CNTNAP2: variants seen among roughly 807,000 people sequenced by gnomAD.
The protein encoded by CNTNAP2 is contactin-associated protein-like 2.
CNTNAP2 carries 98 observed loss-of-function variants against 155.2 expected under a neutral mutation model. The observed-to-expected ratio is 0.63, with a 90% CI of 0.54 to 0.75. CNTNAP2 has a LOEUF of 0.75. Ranked by LOEUF, CNTNAP2 falls within the 30% of genes least tolerant of loss-of-function variation. The probability of loss-of-function intolerance (pLI) is 0.00; values close to 1 mark genes in which losing one functional copy is unlikely to be tolerated. For synonymous variants in CNTNAP2, 651 were observed against 631.2 expected, an observed-to-expected ratio of 1.03 and a Z score of -0.47; for missense variants, 1,727 against 1,688.1, an observed-to-expected ratio of 1.02 and a Z score of -0.40.
chr7:147,927,040 C>T (rs978270761), intron 14 of CNTNAP2, among the ~76,000 whole-genome samples: 4 of 152,152 alleles, frequency 2.6e-5, no homozygotes, highest in Non-Finnish European at 5.9e-5. Context: ...TGCATAATCA[C>T]CACAAATTTT....
At chr7:146,340,286 GTTT>G (rs548459768) in intron 1 of CNTNAP2, among the ~76,000 whole-genome samples, 1 of 93,830 alleles carries the variant, frequency 1.1e-5, no homozygotes, top group Non-Finnish European at 2.1e-5. Context: ...TGTTGTTGTT[GTTT>G]TTTTTTTTTT....
At chr7:146,161,981 C>T (rs1009020131) in intron 1 of CNTNAP2, among the ~76,000 whole-genome samples, 3 of 152,026 alleles carry the variant, frequency 2.0e-5, no homozygotes, top group Admixed American at 6.6e-5. Flanking sequence ...GAAACTGGAT[C>T]CCTTCCTTAC....
chr7:147,503,903 G>A (rs1301820378), intron 11 of CNTNAP2, among the ~76,000 whole-genome samples: 1 of 152,160 alleles, frequency 6.6e-6, no homozygotes, highest in Non-Finnish European at 1.5e-5. Context: ...TGGGTTTAAA[G>A]AACCCTGAGG....
intron 21 of CNTNAP2, among the ~76,000 whole-genome samples, chr7:148,299,285 C>T (rs374558879): frequency 3.3e-5 from 5 of 152,144 alleles, no homozygotes; most frequent in South Asian, 2.1e-4. Context: ...CCACCACACC[C>T]GGCCCCAACT....
intron 13 of CNTNAP2, among the ~76,000 whole-genome samples, chr7:147,848,424 C>G (rs932864693): frequency 1.3e-5 from 2 of 150,960 alleles, no homozygotes; most frequent in Admixed American, 1.3e-4. Flanking sequence ...TTGCGCTTCC[C>G]AGGTGAGGCA....
intron 11 of CNTNAP2, among the ~76,000 whole-genome samples, chr7:147,558,058 T>A (rs1050966062): frequency 3.5e-4 from 53 of 152,350 alleles, no homozygotes; most frequent in Middle Eastern, 3.4e-3. Context: ...TACATATTTT[T>A]AAATGTATTT....
At chr7:146,757,370 A>G (rs1563218469) in intron 1 of CNTNAP2, among the ~76,000 whole-genome samples, 1 of 152,186 alleles carries the variant, frequency 6.6e-6, no homozygotes, top group South Asian at 2.1e-4. Context: ...ATGAATCCAT[A>G]TCAGCATTTA....
At chr7:147,953,552 C>T (rs563038668) in intron 14 of CNTNAP2, among the ~76,000 whole-genome samples, 2 of 152,220 alleles carry the variant, frequency 1.3e-5, no homozygotes, top group Non-Finnish European at 2.9e-5. Context: ...AATATCAATT[C>T]TATTGGTTAT....
At chr7:146,473,190 A>T (rs1481248139) in intron 1 of CNTNAP2, among the ~76,000 whole-genome samples, 1 of 152,060 alleles carries the variant, frequency 6.6e-6, no homozygotes, top group African/African-American at 2.4e-5. Context: ...GGTCAGGGAA[A>T]GAAAAGGCTT....
chr7:147,674,575 C>G (rs139450930), intron 13 of CNTNAP2, among the ~76,000 whole-genome samples: 2,500 of 152,206 alleles, frequency 0.016, 220 homozygotes, highest in Admixed American at 0.15. Flanking sequence ...GATGTGCCTT[C>G]CTGAGGCTTG....
At chr7:148,322,223 A>G (rs1359531327) in intron 21 of CNTNAP2, among the ~76,000 whole-genome samples, 1 of 152,192 alleles carries the variant, frequency 6.6e-6, no homozygotes, top group East Asian at 1.9e-4. Context: ...GCACCCAGCC[A>G]AGAACTGTAA....
Position 148,143,742 on chromosome 7 carries a change from C to T in CNTNAP2, c.2555-3749C>T, listed in dbSNP as rs73744758. Among the ~76,000 whole-genome samples the T allele has an allele frequency of 9.4e-3, 1,434 of 152,306 alleles. 24 individuals carry two copies. The highest frequency in any genetic ancestry group is 0.032 in the African/African-American group (1,322 of 41,552). On this transcript the variant is annotated intron_variant, in intron 16 of 23. Coordinates refer to ENST00000361727, the MANE Select transcript of CNTNAP2 (RefSeq NM_014141.6). ...GTCAGCCATGACCCAGGCTCATCCTCTGTCCTCTCTGTCCTCTGTATCTCT... is the reference window on the plus strand; with the variant it reads ...GTCAGCCATGACCCAGGCTCATCCTTTGTCCTCTCTGTCCTCTGTATCTCT...
chr7:148,239,829 G>T (rs952100287), intron 20 of CNTNAP2, among the ~76,000 whole-genome samples: 1 of 152,182 alleles, frequency 6.6e-6, no homozygotes, highest in Non-Finnish European at 1.5e-5. Context: ...GGAGTGTGGT[G>T]GAGGCGTGTG....
chr7:146,208,698 ATTAT>A (rs1013611887), intron 1 of CNTNAP2: 8 of 152,120 alleles, frequency 5.3e-5, no homozygotes, highest in African/African-American at 1.9e-4. Flanking sequence ...TGAAGATTAA[ATTAT>A]TTATTCACTC....
chr7:148,004,716 A>C (rs528781142), intron 15 of CNTNAP2, among the ~76,000 whole-genome samples: 1 of 152,338 alleles, frequency 6.6e-6, no homozygotes, highest in Admixed American at 6.5e-5. Flanking sequence ...AAAATGCTTC[A>C]TCTTTCATTA....
intron 22 of CNTNAP2, among the ~76,000 whole-genome samples, chr7:148,387,418 G>A (rs188460275): frequency 3.9e-5 from 6 of 152,256 alleles, no homozygotes; most frequent in Admixed American, 2.0e-4. Flanking sequence ...TGTAAATAAC[G>A]TGAGGTACTT....
Position 147,446,123 on chromosome 7 carries a change from CTTTT to C in CNTNAP2, c.1671-39797_1671-39794del, listed in dbSNP as rs35712483. Among the ~76,000 whole-genome samples, 48 of 139,878 alleles carry C rather than the reference CTTTT, an allele frequency of 3.4e-4. 1 individual carries two copies. Among genetic ancestry groups the C allele is most frequent in the Non-Finnish European group, 3.6e-4 (23 of 64,726 alleles). The allele number at this position is 139,878 out of a possible 152,430, so 91.8% of individuals were successfully genotyped here. On this transcript the variant is annotated intron_variant, in intron 10 of 23. Coordinates refer to ENST00000361727, the MANE Select transcript of CNTNAP2 (RefSeq NM_014141.6). ...AGACACACTTGCTCTTTGTTTCTTT[CTTTT>C]TTTTTTTTTTTTTTAACCTGTGAGT...
At chr7:146,521,520 T>C (rs186953859) in intron 1 of CNTNAP2, among the ~76,000 whole-genome samples, 410 of 152,120 alleles carry the variant, frequency 2.7e-3, no homozygotes, top group African/African-American at 9.2e-3. Flanking sequence ...TTACAATTGC[T>C]TGAAATAGTG....
chr7:146,888,198 A>G (rs1795706924), intron 3 of CNTNAP2, among the ~76,000 whole-genome samples: 1 of 152,108 alleles, frequency 6.6e-6, no homozygotes, highest in African/African-American at 2.4e-5. Flanking sequence ...ACATGGTATC[A>G]TTTTATTTAA....
Sources: allele counts gnomAD v4.1 joint callset (sites outside exome capture counted in the v4.1 genomes callset), GRCh38; gene constraint gnomAD v4.1.1; transcripts MANE v1.5; gene names NCBI Gene and HGNC (gene_info 2026-07-23, HGNC 2026-07-21).